MED23: variants seen among roughly 807,000 people sequenced by gnomAD.
The protein encoded by MED23 is mediator of RNA polymerase II transcription subunit 23.
A neutral mutation model predicts 163.9 loss-of-function variants in MED23; 105 were observed. The ratio of observed to expected loss-of-function variants is 0.64; its 90% CI spans 0.55 to 0.75. The LOEUF is 0.75. Ranked by LOEUF, MED23 falls within the 30% of genes least tolerant of loss-of-function variation. MED23 has a pLI of 0.00. For missense variants in MED23, 1,054 were observed against 1,649.0 expected, an observed-to-expected ratio of 0.64 and a Z score of 6.25; for synonymous variants, 561 against 565.6, an observed-to-expected ratio of 0.99 and a Z score of 0.12.
intron 14 of MED23, 137 bp downstream of exon 14, chr6:131,605,103 A>C: frequency 1.2e-6 from 1 of 847,446 alleles, no homozygotes; most frequent in Non-Finnish European, 1.8e-6. Flanking sequence ...TTACTTTTGT[A>C]ATAAAATAAA....
In MED23 at chr6:131,598,638, T is replaced by C. The variant is rs1312621138; in HGVS notation, c.2344A>G (p.Met782Val). Residue 782 changes from methionine to valine, a missense_variant, in exon 19 of 29, where the codon ATG becomes GTG. This residue lies in a region of MED23 where 228 missense variants were observed against 461.3 expected (regional missense o/e 0.49). Transcript: ENST00000368068. This position sits in a 1 kb window ranked among gnomAD's most constrained non-coding sequence, Gnocchi z 4.7. Reference protein sequence around the residue: ...NENDIITHFSMQGSPPLFLCL... With the variant: ...NENDIITHFSVQGSPPLFLCL... ...AGAAAGAGAGGAGGGGAGCCCTGCATAGAGAAGTGGGTAATAATGTCGTTT... is the reference window on the plus strand; with the variant it reads ...AGAAAGAGAGGAGGGGAGCCCTGCACAGAGAAGTGGGTAATAATGTCGTTT... 6.2e-7 allele frequency: 1 copy of C among 1,614,178 alleles called. No individual in the cohort carries two copies. The highest frequency in any genetic ancestry group is 8.5e-7 in the Non-Finnish European group (1 of 1,180,032).
intron 7 of MED23, 87 bp downstream of exon 7, chr6:131,620,541 T>C (rs948565655): frequency 2.4e-6 from 2 of 850,668 alleles, no homozygotes; most frequent in African/African-American, 1.7e-5. Context: ...CCTCAAATCA[T>C]CTTCCCACCT....
intron 10 of MED23, chr6:131,615,623 C>G (rs1776629539): frequency 1.9e-6 from 1 of 535,454 alleles, no homozygotes; most frequent in African/African-American, 1.9e-5. Context: ...ATGGTTGAGT[C>G]ATGTGTAGGT....
chr6:131,623,829 T>C (rs1471775655), intron 4 of MED23, among the ~76,000 whole-genome samples: 1 of 152,212 alleles, frequency 6.6e-6, no homozygotes, highest in African/African-American at 2.4e-5. Flanking sequence ...CTTTATAAGT[T>C]ACCCAGTCTC....
In MED23 at chr6:131,624,852, C is replaced by T. The variant is rs1384927219; in HGVS notation, c.284+13G>A. ...AGAAAATTCTTCAGATTGCTCATAC[C>T]CATTAAACGTACCTGGGTGGAAGGA... On this transcript the variant is annotated intron_variant, in intron 4 of 28. Transcript: ENST00000368068. 1.2e-6 allele frequency: 2 copies of T among 1,613,588 alleles called. No individual in the cohort carries two copies. The highest frequency in any genetic ancestry group is 3.3e-5 in the Admixed American group (2 of 60,020).
chr6:131,627,301 A>C, intron 3 of MED23, 95 bp downstream of exon 3: 1 of 885,162 alleles, frequency 1.1e-6, no homozygotes. Context: ...GGAAGATCTT[A>C]AGAGCAGCAT....
At chr6:131,597,961 A>G (rs1475716351) in intron 20 of MED23, among the ~76,000 whole-genome samples, 2 of 151,980 alleles carry the variant, frequency 1.3e-5, no homozygotes, top group African/African-American at 2.4e-5. Context: ...TGGGTATGGT[A>G]GCATATGCCT....
Position 131,594,288 on chromosome 6 carries a change from G to C in MED23, c.3043C>G (p.His1015Asp), listed in dbSNP as rs774248617. ...LYNTLHYYEM[H>D]LRDRAFLKRK... ...TTGAGAAATGCGCGGTCTCTCAGGT[G>C]CATTTCATAATAGTGCAGAGTGTTA... The change falls in exon 23 of 29, where the codon CAC (histidine) becomes GAC (aspartate). Residue 1015 changes from histidine to aspartate, a missense_variant. His to Asp is a moderately conservative substitution (Grantham distance 81). Transcript: ENST00000368068. 3.7e-6 allele frequency: 6 copies of C among 1,614,138 alleles called. No homozygotes were observed. Among genetic ancestry groups the C allele is most frequent in the Non-Finnish European group, 5.1e-6 (6 of 1,179,998 alleles).
chr6:131,575,749 A>T (rs889976274), intron 30 of MED23, among the ~76,000 whole-genome samples: 2 of 152,248 alleles, frequency 1.3e-5, no homozygotes, highest in Admixed American at 1.3e-4. Flanking sequence ...CTGTGCCTTT[A>T]GACCTCTAAT....
intron 30 of MED23, chr6:131,574,330 G>A: frequency 6.2e-7 from 1 of 1,613,668 alleles, no homozygotes; most frequent in Non-Finnish European, 8.5e-7. Flanking sequence ...AGAGGTTAGA[G>A]GCCCAAACTG....
intron 12 of MED23, among the ~76,000 whole-genome samples, chr6:131,607,125 A>T (rs1370205805): frequency 6.6e-6 from 1 of 152,016 alleles, no homozygotes; most frequent in Non-Finnish European, 1.5e-5. Flanking sequence ...TTTGCTTGAA[A>T]ATTGTCCAAC....
chr6:131,596,773 A>G, intron 20 of MED23, 85 bp from the exon 21 acceptor site: 2 of 1,265,700 alleles, frequency 1.6e-6, no homozygotes, highest in South Asian at 1.3e-5. Context: ...GATTTTAACA[A>G]AGTAAAATCT....
intron 26 of MED23, 132 bp downstream of exon 26, chr6:131,591,181 T>C (rs185077513): frequency 5.6e-6 from 4 of 708,460 alleles, no homozygotes; most frequent in East Asian, 5.5e-5. Flanking sequence ...GGTTTCACAA[T>C]GTTGGCCAGG....
chr6:131,627,626 C>A lies in MED23; in HGVS notation c.71+15G>T. 1 of 1,612,608 alleles carries A rather than the reference C, an allele frequency of 6.2e-7. No individual in the cohort carries two copies. Among genetic ancestry groups the A allele is most frequent in the South Asian group, 1.1e-5 (1 of 90,842 alleles). ...ATCACATAAAAACACAAAACTCTGC[C>A]ACGCATACACTCACCCAGGAAAAGC... On this transcript the variant is annotated intron_variant, in intron 2 of 28. Coordinates refer to ENST00000368068, the MANE Select transcript of MED23 (RefSeq NM_004830.4).
chr6:131,611,387 G>T (rs1776264742), intron 10 of MED23, among the ~76,000 whole-genome samples: 1 of 152,056 alleles, frequency 6.6e-6, no homozygotes. Flanking sequence ...CAAATGATAA[G>T]CATCAATGGT....
In MED23 at chr6:131,587,655, C is replaced by A. The variant is rs377542582; in HGVS notation, c.*24G>T. Reference sequence around the variant, plus strand: ...ACTCTCAAAGACGGATATATTTCTACTTTCTCCACAGTACAGTCTGGCTTC... The same window carrying A: ...ACTCTCAAAGACGGATATATTTCTAATTTCTCCACAGTACAGTCTGGCTTC... On this transcript the variant is annotated 3_prime_UTR_variant, in exon 29 of 29. Transcript: ENST00000368068. 6.2e-7 allele frequency: 1 copy of A among 1,613,938 alleles called. No homozygotes were observed. The highest frequency in any genetic ancestry group is 8.5e-7 in the Non-Finnish European group (1 of 1,179,916).
In MED23 at chr6:131,610,380, G is replaced by C. The variant is rs751830852; in HGVS notation, c.877-134C>G. On this transcript the variant is annotated intron_variant, in intron 10 of 28. Transcript: ENST00000368068. ...AGTTGAACTTAAGAAGTCAAGGTTA[G>C]ATTTAGTCTATTAAAGCTGCATCAT... is the stretch of plus-strand genomic sequence containing the variant. The C allele has an allele frequency of 5.8e-5, 48 of 833,276 alleles. 1 individual carries two copies. The highest frequency in any genetic ancestry group is 3.9e-4 in the South Asian group (27 of 68,976). The allele number at this position is 833,276 out of a possible 1,614,324, so 51.6% of individuals were successfully genotyped here. A position where few individuals can be genotyped will look rare whatever the true frequency, so the allele number is the denominator to read the frequency against.
chr6:131,620,969 A>C (rs1313373911), intron 6 of MED23, among the ~76,000 whole-genome samples: 1 of 152,042 alleles, frequency 6.6e-6, no homozygotes, highest in Non-Finnish European at 1.5e-5. Flanking sequence ...GGCCCGGCTA[A>C]CTTTTTAATT....
chr6:131,627,455 T>G lies in MED23; in HGVS notation c.100A>C (p.Lys34Gln). 6.2e-7 allele frequency: 1 copy of G among 1,613,874 alleles called. No homozygotes were observed. Among genetic ancestry groups the G allele is most frequent in the Non-Finnish European group, 8.5e-7 (1 of 1,179,942 alleles). The change falls in exon 3 of 29, where the codon AAA (lysine) becomes CAA (glutamine). Residue 34 changes from lysine (K) to glutamine (Q), a missense_variant. Lys to Gln is a moderately conservative substitution (Grantham distance 53, BLOSUM62 1). This residue lies in a region of MED23 where 227 missense variants were observed against 235.5 expected (regional missense o/e 0.96). Coordinates refer to ENST00000368068, the MANE Select transcript of MED23 (RefSeq NM_004830.4). ...CCCAAACAGCTAATTAGTTTTGTTT[T>G]CTCATCTTCAGGAGTATCCATAAAC... ...GMFMDTPEDEKTKLISCLGAF... is the reference protein window; with the variant it reads ...GMFMDTPEDEQTKLISCLGAF...
Sources: gnomAD v4.1 joint callset for allele counts (sites outside exome capture counted in the v4.1 genomes callset) on GRCh38, gnomAD v4.1.1 for gene constraint, gnomAD v4.1.1 regional missense constraint, Gnocchi (gnomAD v3.1) non-coding constraint, MANE v1.5 for transcripts, NCBI Gene and HGNC (gene_info 2026-07-23, HGNC 2026-07-21) for gene names.